Variants in ATP2A3 observed in about 807,000 individuals in gnomAD.
ATP2A3 encodes ATPase sarcoplasmic/endoplasmic reticulum Ca2+ transporting 3.
ATP2A3 carries 61 observed loss-of-function variants against 106.8 expected under a neutral mutation model. The ratio of observed to expected loss-of-function variants is 0.57; its 90% CI spans 0.46 to 0.71. The LOEUF (loss-of-function observed/expected upper bound fraction) is 0.71. Among genes scored for constraint, ATP2A3 ranks in the 30% least tolerant of loss-of-function variants. The probability of loss-of-function intolerance (pLI) is 0.00; values close to 1 mark genes in which losing one functional copy is unlikely to be tolerated. For missense variants in ATP2A3, 1,201 were observed against 1,423.5 expected, an observed-to-expected ratio of 0.84 and a Z score of 2.52; for synonymous variants, 611 against 609.3, an observed-to-expected ratio of 1.00 and a Z score of -0.04.
At chr17:3,927,946 C>A (rs753960) in intron 20 of ATP2A3, 2 of 1,612,200 alleles carry the variant, frequency 1.2e-6, no homozygotes, top group Admixed American at 3.3e-5. Context: ...ATACGGCCAC[C>A]GCCTCTGCGC....
chr17:3,946,958 G>A lies in ATP2A3; in HGVS notation c.1095+433C>T, dbSNP rs79317730. On this transcript the variant is annotated intron_variant, in intron 8 of 20. Coordinates refer to ENST00000397041, the MANE Select transcript of ATP2A3 (RefSeq NM_005173.4). ...TAATTCCTGCCCTGGCCCTTCCCAG[G>A]TTACCGGAGCTGGCTTATCTGGTGA... Among the ~76,000 whole-genome samples the A allele has an allele frequency of 7.3e-3, 1,109 of 152,344 alleles. 6 individuals carry two copies. Among genetic ancestry groups the A allele is most frequent in the Non-Finnish European group, 0.012 (824 of 68,032 alleles).
Position 3,928,425 on chromosome 17 carries a change from A to G in ATP2A3, c.2980+238T>C. On this transcript the variant is annotated intron_variant, in intron 20 of 20. Coordinates refer to ENST00000397041, the MANE Select transcript of ATP2A3 (RefSeq NM_005173.4). This position sits in a 1 kb window ranked among gnomAD's most constrained non-coding sequence, Gnocchi z 6.1. ...TGAAGACAGTGAGGCAGTGTGGCCC[A>G]AGAGGTGCTCCCGTTGCTGGCCCAG... The G allele has an allele frequency of 8.0e-7, 1 of 1,244,000 alleles. No homozygotes were observed. Among genetic ancestry groups the G allele is most frequent in the Non-Finnish European group, 1.1e-6 (1 of 870,606 alleles). 77.1% of individuals were successfully genotyped at this position (1,244,000 alleles called of 1,614,324 possible).
At chr17:3,949,163 GGTGA>G (rs1442158407) in intron 7 of ATP2A3, among the ~76,000 whole-genome samples, 2 of 150,298 alleles carry the variant, frequency 1.3e-5, no homozygotes, top group Admixed American at 6.7e-5. Context: ...AGGAGTTCTG[GGTGA>G]GTTTCACTTT....
In ATP2A3 at chr17:3,942,736, G is replaced by C; in HGVS notation, c.1420-5C>G. 6.2e-7 allele frequency: 1 copy of C among 1,612,376 alleles called. No homozygotes were observed. The highest frequency in any genetic ancestry group is 8.5e-7 in the Non-Finnish European group (1 of 1,179,706). ...CCGCATCAGCTGCTTGATGACCTGC[G>C]GGGTCCAGGCAGGTCAGGGCATGAA... On this transcript the variant is annotated splice_polypyrimidine_tract_variant and splice_region_variant and intron_variant, in intron 11 of 20. Transcript: ENST00000397041.
At chr17:3,937,768 G>A (rs2053534178) in intron 14 of ATP2A3, 132 bp from the exon 15 acceptor site, 4 of 954,134 alleles carry the variant, frequency 4.2e-6, no homozygotes, top group Non-Finnish European at 6.5e-6. Flanking sequence ...AACAAATGGT[G>A]GGTTCAAGAA....
In ATP2A3 at chr17:3,940,043, GTTTTTTGTTTTTTT is replaced by G. The variant is rs1310744167; in HGVS notation, c.2100+914_2100+927del. ...TAATGTGTCATATCTTTTTTTTTTTGTTTTTTGTTTTTTTTTTTTTTGGAGAGATGGGGTCTCAA... is the reference window on the plus strand; with the variant it reads ...TAATGTGTCATATCTTTTTTTTTTTGTTTTTTTGGAGAGATGGGGTCTCAA... On this transcript the variant is annotated intron_variant, in intron 14 of 20. Transcript: ENST00000397041. 2.6e-3 allele frequency among the ~76,000 whole-genome samples: 232 copies of G among 87,612 alleles called. 1 individual carries two copies. The highest frequency in any genetic ancestry group is 0.013 in the African/African-American group (227 of 17,542). The allele number at this position is 87,612 out of a possible 152,430, so 57.5% of individuals were successfully genotyped here. A position where few individuals can be genotyped will look rare whatever the true frequency, so the allele number is the denominator to read the frequency against.
intron 20 of ATP2A3, chr17:3,927,084 T>G: frequency 3.0e-6 from 3 of 985,440 alleles, no homozygotes; most frequent in Non-Finnish European, 3.6e-6. Context: ...GGTTCAATCC[T>G]GTTCTTTCCA....
At chr17:3,951,546 G>GGCCCCCCCCCCCGGCCCC in intron 4 of ATP2A3, 35 bp downstream of exon 4, 5 of 1,319,568 alleles carry the variant, frequency 3.8e-6, no homozygotes, top group Non-Finnish European at 5.2e-6. Context: ...CTGGGAGACC[G>GGCCCCCCCCCCCGGCCCC]CCCCCCGCCC....
rs375181582 is a variant in ATP2A3 at position 3,925,330 on chromosome 17, C to T, written c.*92G>A. ...CGGCGGGACCCGGTGGGCAAGTGGG[C>T]GAGTGTGGTGGCAAGGGTGGGGGGC... On this transcript the variant is annotated 3_prime_UTR_variant, in exon 21 of 21. Transcript: ENST00000397041. This position sits in a 1 kb window ranked among gnomAD's most constrained non-coding sequence, Gnocchi z 4.2. 12 of 1,607,006 alleles carry T rather than the reference C, an allele frequency of 7.5e-6. No homozygotes were observed. The highest frequency in any genetic ancestry group is 1.7e-5 in the Admixed American group (1 of 59,544).
rs757637918 is a variant in ATP2A3 at position 3,950,783 on chromosome 17, G to T, written c.464-10C>A. On this transcript the variant is annotated splice_polypyrimidine_tract_variant and intron_variant, in intron 5 of 20. Coordinates refer to ENST00000397041, the MANE Select transcript of ATP2A3 (RefSeq NM_005173.4). ...GGCACTTTGTCCCCCACTGTGCGGG[G>T]AGAATGGCTTGGCTGAGGGTGGCTT... is the stretch of plus-strand genomic sequence containing the variant. 6.2e-7 allele frequency: 1 copy of T among 1,612,318 alleles called. No individual in the cohort carries two copies. Among genetic ancestry groups the T allele is most frequent in the Non-Finnish European group, 8.5e-7 (1 of 1,179,772 alleles).
At chr17:3,927,692 G>C in intron 20 of ATP2A3, 1 of 939,094 alleles carries the variant, frequency 1.1e-6, no homozygotes, top group Admixed American at 7.6e-5. Flanking sequence ...CAGCAGGCTT[G>C]CCTTGGCTGA....
In ATP2A3 at chr17:3,947,657, C is replaced by A. The variant is rs568426969; in HGVS notation, c.829G>T (p.Gly277Cys). Residue 277 changes from glycine (G) to cysteine (C), a missense_variant, in exon 8 of 21, where the codon GGC becomes TGC. Gly to Cys is a radical substitution (Grantham distance 159). Coordinates refer to ENST00000397041, the MANE Select transcript of ATP2A3 (RefSeq NM_005173.4). This position sits in a 1 kb window ranked among gnomAD's most constrained non-coding sequence, Gnocchi z 7.7. ...CCGTGGGCCGGGTCGGCGAAGTGGCCGATGTTGATGACCCACACGGCCACG... is the reference window on the plus strand; with the variant it reads ...CCGTGGGCCGGGTCGGCGAAGTGGCAGATGTTGATGACCCACACGGCCACG... ...ICVAVWVINI[G>C]HFADPAHGGS... 1 of 1,612,328 alleles carries A rather than the reference C, an allele frequency of 6.2e-7. No homozygotes were observed. Among genetic ancestry groups the A allele is most frequent in the Non-Finnish European group, 8.5e-7 (1 of 1,179,886 alleles).
At chr17:3,944,992 C>T (rs1479008765) in intron 9 of ATP2A3, 68 bp downstream of exon 9, 14 of 1,351,014 alleles carry the variant, frequency 1.0e-5, no homozygotes, top group Non-Finnish European at 1.2e-5. Flanking sequence ...CCACGGCCAC[C>T]TCGGCGCCGC....
intron 17 of ATP2A3, among the ~76,000 whole-genome samples, chr17:3,931,721 C>T (rs899681347): frequency 2.0e-5 from 3 of 152,160 alleles, no homozygotes; most frequent in Middle Eastern, 3.4e-3. Flanking sequence ...CGGGGTTTCA[C>T]CGTGTTAGCC....
intron 20 of ATP2A3, chr17:3,927,381 C>T (rs2052764733): frequency 1.0e-6 from 1 of 985,358 alleles, no homozygotes; most frequent in East Asian, 1.1e-4. Context: ...TGGGAACTCT[C>T]CCGAGGAAGA....
At chr17:3,938,183 C>T in intron 14 of ATP2A3, among the ~76,000 whole-genome samples, 1 of 152,182 alleles carries the variant, frequency 6.6e-6, no homozygotes, top group East Asian at 1.9e-4. Context: ...CCTGTAATCC[C>T]AGCACTTTGG....
rs2052622720 is a variant in ATP2A3, at chr17:3,924,928, A to C, written c.*494T>G. 4.5e-6 allele frequency: 2 copies of C among 441,506 alleles called. No homozygotes were observed. The highest frequency in any genetic ancestry group is 9.1e-6 in the Non-Finnish European group (2 of 220,136). The allele number at this position is 441,506 out of a possible 1,614,324, so 27.3% of individuals were successfully genotyped here. A position where few individuals can be genotyped will look rare whatever the true frequency, so the allele number is the denominator to read the frequency against. On this transcript the variant is annotated 3_prime_UTR_variant, in exon 21 of 21. Coordinates refer to ENST00000397041, the MANE Select transcript of ATP2A3 (RefSeq NM_005173.4). This position sits in a 1 kb window ranked among gnomAD's most constrained non-coding sequence, Gnocchi z 6.4. ...CCCAGATGGCCCCTTCTGATCCCCC[A>C]GGGCTGACCCAGTCCCAGACCAGGC...
chr17:3,950,772 C>G lies in ATP2A3; in HGVS notation c.465G>C (p.Val155=), dbSNP rs535315120. The change falls in exon 6 of 21, where the codon GTG becomes GTC. Residue 155 remains valine, a splice_region_variant and synonymous_variant. Coordinates refer to ENST00000397041, the MANE Select transcript of ATP2A3 (RefSeq NM_005173.4). ...IVPGDIVEVA[V]GDKVPADLRL... ...GGAGGTCAGCAGGCACTTTGTCCCC[C>G]ACTGTGCGGGGAGAATGGCTTGGCT... 6.2e-7 allele frequency: 1 copy of G among 1,613,000 alleles called. No individual in the cohort carries two copies. The highest frequency in any genetic ancestry group is 1.3e-5 in the African/African-American group (1 of 75,016).
Position 3,929,689 on chromosome 17 carries a change from C to T in ATP2A3, c.2745-244G>A, listed in dbSNP as rs1240718087. ...GGGCCCCAATTCCGGTCCCCATGAA[C>T]TCTCAGAATCCTCTCTGGGCCCCTT... On this transcript the variant is annotated intron_variant, in intron 18 of 20. Transcript: ENST00000397041. This position sits in a 1 kb window ranked among gnomAD's most constrained non-coding sequence, Gnocchi z 4.3. Among the ~76,000 whole-genome samples, 1 of 152,152 alleles carries T rather than the reference C, an allele frequency of 6.6e-6. No homozygotes were observed. Among genetic ancestry groups the T allele is most frequent in the Non-Finnish European group, 1.5e-5 (1 of 68,010 alleles).
Sources: allele counts gnomAD v4.1 joint callset (sites outside exome capture counted in the v4.1 genomes callset), GRCh38; gene constraint gnomAD v4.1.1; non-coding constraint Gnocchi (gnomAD v3.1); transcripts MANE v1.5; gene names NCBI Gene and HGNC (gene_info 2026-07-23, HGNC 2026-07-21).